GPN1: variants seen among roughly 807,000 people sequenced by gnomAD.
GPN1 encodes the protein GPN-loop GTPase 1, also known as ATP(GTP)-binding protein.
GPN1 carries 44 observed loss-of-function variants against 55.9 expected under a neutral mutation model. The observed-to-expected ratio is 0.79, with a 90% CI of 0.62 to 1.01. The LOEUF is 1.01. Among genes scored for constraint, GPN1 ranks in the 50% least tolerant of loss-of-function variants. GPN1 has a pLI of 0.00. For synonymous variants in GPN1, 179 were observed against 162.5 expected (o/e 1.10, Z -0.77); for missense variants, 466 against 462.8 (o/e 1.01, Z -0.06).
At chr2:27,628,877 C>CGA (rs1673402081), upstream of GPN1, 3 of 1,465,154 alleles carry the variant, frequency 2.0e-6, no homozygotes, top group Non-Finnish European at 2.7e-6. Flanking sequence ...CACTTCCTCG[C>CGA]CACTGTCACT....
At chr2:27,631,950 C>T (rs946826666) in intron 4 of GPN1, 50 bp downstream of exon 4, 4 of 995,504 alleles carry the variant, frequency 4.0e-6, no homozygotes, top group Non-Finnish European at 6.5e-6. Flanking sequence ...ATCTGTGACT[C>T]TTAAATTCCT....
Position 27,632,625 on chromosome 2 carries a change from T to A in GPN1, c.313-8T>A. 1 of 1,594,430 alleles carries A rather than the reference T, an allele frequency of 6.3e-7. No individual in the cohort carries two copies. The highest frequency in any genetic ancestry group is 8.6e-7 in the Non-Finnish European group (1 of 1,162,116). ...GAATTTGTTGTCATTGACATCTTTT[T>A]CTTTTAGGTGATGAAATTTATTGAG... On this transcript the variant is annotated splice_polypyrimidine_tract_variant and splice_region_variant and intron_variant, in intron 4 of 13. Coordinates refer to ENST00000610189, the MANE Select transcript of GPN1 (RefSeq NM_007266.4).
intron 9 of GPN1, 56 bp from the exon 10 acceptor site, chr2:27,639,987 T>C: frequency 8.9e-7 from 1 of 1,120,380 alleles, no homozygotes; most frequent in South Asian, 1.3e-5. Context: ...GTTAATGTAC[T>C]TCATTAAAAA....
intron 13 of GPN1, 147 bp downstream of exon 13, chr2:27,648,090 C>T: frequency 1.6e-6 from 1 of 618,472 alleles, no homozygotes; most frequent in Admixed American, 2.6e-5. Context: ...ATTGAGAGTT[C>T]CTGTCCTGCC....
chr2:27,650,191 CAATA>C lies in GPN1; in HGVS notation c.1121_1124del (p.Lys374ArgfsTer4), dbSNP rs754456810. On this transcript the variant is annotated frameshift_variant, in exon 14 of 14. Transcript: ENST00000610189. LOFTEE classifies it high-confidence loss of function. ...CGATGGCACAATACTGGAAGAGAAA[CAATA>C]AATAGGAGACTTTAGCACACTTCAC... 5 of 1,581,548 alleles carry C rather than the reference CAATA, an allele frequency of 3.2e-6. No homozygotes were observed. Among genetic ancestry groups the C allele is most frequent in the Non-Finnish European group, 4.3e-6 (5 of 1,150,578 alleles).
chr2:27,629,226 G>A, intron 1 of GPN1, 57 bp downstream of exon 1: 1 of 1,568,840 alleles, frequency 6.4e-7, no homozygotes, highest in Admixed American at 1.8e-5. Context: ...TCCGGCAGGC[G>A]GAAGGCCAGG....
intron 12 of GPN1, among the ~76,000 whole-genome samples, chr2:27,642,785 G>A (rs556477170): frequency 3.3e-5 from 5 of 151,794 alleles, no homozygotes; most frequent in Non-Finnish European, 5.9e-5. Flanking sequence ...GGCTGGTCTC[G>A]AACTCCTGAC....
At chr2:27,631,526 G>A (rs1673553001) in intron 3 of GPN1, 1 of 487,806 alleles carries the variant, frequency 2.0e-6, no homozygotes, top group Non-Finnish European at 3.7e-6. Context: ...ATCAGAGCCG[G>A]AGGTGTTATA....
upstream of GPN1, chr2:27,628,865 C>T: frequency 4.8e-6 from 7 of 1,464,968 alleles, no homozygotes; most frequent in Non-Finnish European, 6.3e-6. Flanking sequence ...GCTCAGCGCC[C>T]CCACTTCCTC....
At chr2:27,631,524 C>A in intron 3 of GPN1, 1 of 480,468 alleles carries the variant, frequency 2.1e-6, no homozygotes, top group Non-Finnish European at 3.7e-6. Context: ...GGATCAGAGC[C>A]GGAGGTGTTA....
chr2:27,633,488 A>G (rs1361602959), intron 5 of GPN1, among the ~76,000 whole-genome samples: 1 of 151,076 alleles, frequency 6.6e-6, no homozygotes, highest in Non-Finnish European at 1.5e-5. Flanking sequence ...GTATTTTTGT[A>G]TTTTTGGGAT....
In GPN1 at chr2:27,650,095, T is replaced by C. The variant is rs780014643; in HGVS notation, c.1040-20T>C. The C allele has an allele frequency of 7.2e-7, 1 of 1,391,578 alleles. No individual in the cohort carries two copies. The highest frequency in any genetic ancestry group is 1.0e-6 in the Non-Finnish European group (1 of 977,262). The allele number at this position is 1,391,578 out of a possible 1,614,324, so 86.2% of individuals were successfully genotyped here. On this transcript the variant is annotated intron_variant, in intron 13 of 13. Transcript: ENST00000610189. ...GTCTAATGAAAGAGTTGAAAAAGAATTGCCCTTTTTTCCTTGCAGTTACAG... is the reference window on the plus strand; with the variant it reads ...GTCTAATGAAAGAGTTGAAAAAGAACTGCCCTTTTTTCCTTGCAGTTACAG...
At chr2:27,648,056 C>T (rs1371747837) in intron 13 of GPN1, 113 bp downstream of exon 13, 5 of 661,156 alleles carry the variant, frequency 7.6e-6, no homozygotes, top group South Asian at 6.9e-5. Context: ...ATAAAGGATA[C>T]AGCACCAGAA....
rs371838887 is a variant in GPN1 at position 27,635,043 on chromosome 2, C to T, written c.430-97C>T. 5.2e-6 allele frequency: 5 copies of T among 958,768 alleles called. No individual in the cohort carries two copies. The East Asian group carries it at 7.2e-5, about 14-fold the overall frequency. The allele number at this position is 958,768 out of a possible 1,614,324, so 59.4% of individuals were successfully genotyped here. A position where few individuals can be genotyped will look rare whatever the true frequency, so the allele number is the denominator to read the frequency against. On this transcript the variant is annotated intron_variant, in intron 6 of 13. Transcript: ENST00000610189. ...AGTTGTAGAAGCTCTGCACACCCTG[C>T]CTAAAGTGGTTTTCCCTTGTTAAGG...
intron 3 of GPN1, 87 bp from the exon 4 acceptor site, chr2:27,631,746 TC>T: frequency 1.2e-6 from 1 of 823,554 alleles, no homozygotes; most frequent in Non-Finnish European, 2.2e-6. Context: ...AACACTAATT[TC>T]ATAATGCCGT....
At position 27,629,105 on chromosome 2, in the gene GPN1, C is replaced by G; in HGVS notation, c.47C>G (p.Pro16Arg). The change falls in exon 1 of 14, where the codon CCG becomes CGG. Residue 16 changes from proline to arginine, a missense_variant. By Grantham distance (103) the Pro-to-Arg change is moderately radical (BLOSUM62 -2). Transcript: ENST00000610189. ...AAAELQASGG[P>R]RHPVCLLVLG... ...GCTGAGCTCCAGGCTTCTGGGGGTC[C>G]GCGGCACCCAGTGTGTCTGTTGGTG... 6.2e-7 allele frequency: 1 copy of G among 1,614,164 alleles called. No individual in the cohort carries two copies. Among genetic ancestry groups the G allele is most frequent in the Non-Finnish European group, 8.5e-7 (1 of 1,180,022 alleles).
At chr2:27,648,147 T>C (rs1324794634) in intron 13 of GPN1, among the ~76,000 whole-genome samples, 4 of 152,230 alleles carry the variant, frequency 2.6e-5, no homozygotes, top group Non-Finnish European at 5.9e-5. Flanking sequence ...TCGTTGGTCT[T>C]GTGTCTTCTT....
In GPN1 at chr2:27,639,032, G is replaced by T; in HGVS notation, c.717+1G>T. On this transcript the variant is annotated splice_donor_variant, in intron 9 of 13. Transcript: ENST00000610189. LOFTEE classifies it high-confidence loss of function. ...AGATGAGTTTTACAGCTCACTCAGG[G>T]TAAATTTTCTCTCCTGCTCACACTG... 1 of 1,604,608 alleles carries T rather than the reference G, an allele frequency of 6.2e-7. No individual in the cohort carries two copies. The highest frequency in any genetic ancestry group is 8.5e-7 in the Non-Finnish European group (1 of 1,174,370).
chr2:27,645,405 G>C (rs1558492162), intron 12 of GPN1, among the ~76,000 whole-genome samples: 1 of 152,062 alleles, frequency 6.6e-6, no homozygotes, highest in Non-Finnish European at 1.5e-5. Context: ...TTATTTGGCT[G>C]TCCTTACATG....
Sources: allele counts gnomAD v4.1 joint callset (sites outside exome capture counted in the v4.1 genomes callset), GRCh38; gene constraint gnomAD v4.1.1; transcripts MANE v1.5; gene names NCBI Gene and HGNC (gene_info 2026-07-23, HGNC 2026-07-21).